Variants in RBM20 observed in about 807,000 individuals in gnomAD.
RBM20 encodes the protein RNA-binding protein 20.
In RBM20, 51 loss-of-function variants were observed where a neutral mutation model predicts 110.1. The ratio of observed to expected loss-of-function variants is 0.46; its 90% CI spans 0.37 to 0.59. The LOEUF is 0.59. Among genes scored for constraint, RBM20 ranks in the 20% least tolerant of loss-of-function variants. RBM20 has a pLI of 0.00. For synonymous variants in RBM20, 589 were observed against 618.2 expected, an observed-to-expected ratio of 0.95 and a Z score of 0.70; for missense variants, 1,512 against 1,574.9, an observed-to-expected ratio of 0.96 and a Z score of 0.68.
chr10:110,727,296 G>A (rs746064368), intron 1 of RBM20, among the ~76,000 whole-genome samples: 8 of 148,764 alleles, frequency 5.4e-5, no homozygotes, highest in Non-Finnish European at 7.4e-5. Context: ...TCTGATTCAC[G>A]CACGGTTTAT....
chr10:110,821,343 G>A lies in RBM20; in HGVS notation c.2724G>A (p.Leu908=). 2.6e-6 allele frequency: 4 copies of A among 1,551,714 alleles called. No homozygotes were observed. The highest frequency in any genetic ancestry group is 3.5e-6 in the Non-Finnish European group (4 of 1,146,960). The change falls in exon 11 of 14, where the codon CTG becomes CTA. Residue 908 remains leucine, a synonymous_variant. Coordinates refer to ENST00000369519, the MANE Select transcript of RBM20 (RefSeq NM_001134363.3). ...ESWYPTNMEE[L]VTVDEVGEEE... The stretch of plus-strand genomic sequence containing the variant: ...GGTATCCCACTAACATGGAGGAGCT[G>A]GTGACAGTGGACGAGGTTGGGGAAG...
chr10:110,802,835 G>A (rs1844646854), intron 7 of RBM20, among the ~76,000 whole-genome samples: 1 of 152,196 alleles, frequency 6.6e-6, no homozygotes, highest in Admixed American at 6.5e-5. Flanking sequence ...TGACAACCAT[G>A]TGACCTATCC....
chr10:110,781,028 C>T lies in RBM20; in HGVS notation c.419C>T (p.Pro140Leu), dbSNP rs977645949. The T allele has an allele frequency of 1.7e-5, 27 of 1,551,804 alleles. No homozygotes were observed. In the Middle Eastern group the frequency reaches 5.0e-4, roughly 29 times the overall value. ...CCTCTCTTCAATCAACTGAGGCATC[C>T]GTCTGTGATCACTGGCCCCCACGGC... is the stretch of plus-strand genomic sequence containing the variant. ...SQPLFNQLRH[P>L]SVITGPHGHA... Residue 140 changes from proline (P) to leucine (L), a missense_variant, in exon 2 of 14, where the codon CCG becomes CTG. Physicochemically the swap from Pro to Leu is moderately conservative, Grantham distance 98. This residue lies in a region of RBM20 where 1,149 missense variants were observed against 1,169.4 expected (regional missense o/e 0.98). Transcript: ENST00000369519.
intron 1 of RBM20, among the ~76,000 whole-genome samples, chr10:110,760,423 ATCTTTTT>A (rs1843981361): frequency 1.2e-5 from 1 of 83,324 alleles, no homozygotes; most frequent in African/African-American, 4.1e-5. Flanking sequence ...GAATTCCATC[ATCTTTTT>A]TTTTTTTTTT....
intron 1 of RBM20, among the ~76,000 whole-genome samples, chr10:110,732,011 G>A (rs1006466331): frequency 6.6e-6 from 1 of 152,048 alleles, no homozygotes; most frequent in African/African-American, 2.4e-5. Flanking sequence ...GCTCTTTCTT[G>A]TCTCCTCAAT....
chr10:110,775,365 G>A (rs894732299), intron 1 of RBM20, among the ~76,000 whole-genome samples: 5 of 152,168 alleles, frequency 3.3e-5, no homozygotes, highest in Non-Finnish European at 5.9e-5. Context: ...AGATGTGGCC[G>A]GTGCATGAGT....
At chr10:110,803,314 G>C (rs953210659) in intron 7 of RBM20, among the ~76,000 whole-genome samples, 1 of 152,178 alleles carries the variant, frequency 6.6e-6, no homozygotes, top group South Asian at 2.1e-4. Flanking sequence ...CATTGTTATA[G>C]TGTGTTATCA....
At chr10:110,812,242 G>A (rs935953190) in intron 8 of RBM20, 36 bp from the exon 9 acceptor site, 1 of 1,503,688 alleles carries the variant, frequency 6.7e-7, no homozygotes. Context: ...TGGGAGGTGT[G>A]AAGATTCTAA....
intron 7 of RBM20, among the ~76,000 whole-genome samples, chr10:110,806,264 T>A (rs1844693379): frequency 8.4e-6 from 1 of 118,436 alleles, no homozygotes; most frequent in African/African-American, 3.2e-5. Flanking sequence ...TGAGACTCCG[T>A]CTCAAAAAAA....
chr10:110,806,059 G>A (rs1844690400), intron 7 of RBM20, among the ~76,000 whole-genome samples: 1 of 152,112 alleles, frequency 6.6e-6, no homozygotes, highest in East Asian at 1.9e-4. Context: ...GATCACTTGA[G>A]GTCAGGGGTT....
rs921066961 is a variant in RBM20 at position 110,644,553 on chromosome 10, G to C, written c.99G>C (p.Pro33=). 61 of 1,525,820 alleles carry C rather than the reference G, an allele frequency of 4.0e-5. No individual in the cohort carries two copies. Among genetic ancestry groups the C allele is most frequent in the Admixed American group, 6.1e-5 (3 of 49,206 alleles). 94.5% of individuals were successfully genotyped at this position (1,525,820 alleles called of 1,614,324 possible). A position where few individuals can be genotyped will look rare whatever the true frequency, so the allele number is the denominator to read the frequency against. Reference sequence around the variant, plus strand: ...GTGTGCCTGGTGCCCGGGCGTCCCCGGCACCCTCCGGCCCGCGAGGGATGC... The same window carrying C: ...GTGTGCCTGGTGCCCGGGCGTCCCCCGCACCCTCCGGCCCGCGAGGGATGC... The part of the protein sequence containing the change: ...ACSVPGARAS[P]APSGPRGMQQ... Residue 33 remains proline (P), a synonymous_variant, in exon 1 of 14, where the codon CCG becomes CCC. Coordinates refer to ENST00000369519, the MANE Select transcript of RBM20 (RefSeq NM_001134363.3). This position sits in a 1 kb window ranked among gnomAD's most constrained non-coding sequence, Gnocchi z 4.3.
intron 1 of RBM20, among the ~76,000 whole-genome samples, chr10:110,679,101 T>G (rs1862383107): frequency 1.3e-5 from 2 of 152,252 alleles, no homozygotes; most frequent in South Asian, 4.1e-4. Flanking sequence ...TTCTTATTTA[T>G]AAGTACTCCT....
Position 110,782,719 on chromosome 10 carries a change from G to A in RBM20, c.1276-647G>A, listed in dbSNP as rs140371695. Among the ~76,000 whole-genome samples, 431 of 152,262 alleles carry A rather than the reference G, an allele frequency of 2.8e-3. 2 individuals are homozygous for A. The highest frequency in any genetic ancestry group is 9.6e-3 in the African/African-American group (400 of 41,542). On this transcript the variant is annotated intron_variant, in intron 2 of 13. Transcript: ENST00000369519. ...TGTGGCCCTGACCCTTTCAGAGCCT[G>A]CACCATTTAAACACTGGGCTGTCCT...
chr10:110,675,915 C>T (rs541928876), intron 1 of RBM20, among the ~76,000 whole-genome samples: 1 of 152,318 alleles, frequency 6.6e-6, no homozygotes, highest in East Asian at 1.9e-4. Context: ...GAAATGATAG[C>T]TGCTATGGCT....
chr10:110,683,603 T>C (rs1316887002), intron 1 of RBM20, among the ~76,000 whole-genome samples: 1 of 152,240 alleles, frequency 6.6e-6, no homozygotes, highest in African/African-American at 2.4e-5. Flanking sequence ...TTAAAGCGAA[T>C]TGAGTTTTGT....
At chr10:110,712,714 C>G (rs1862953365) in intron 1 of RBM20, among the ~76,000 whole-genome samples, 1 of 152,212 alleles carries the variant, frequency 6.6e-6, no homozygotes, top group Non-Finnish European at 1.5e-5. Context: ...TTGCAGTGAG[C>G]TGAGATCGCA....
chr10:110,799,405 C>G (rs373624050), intron 6 of RBM20, among the ~76,000 whole-genome samples: 15 of 152,194 alleles, frequency 9.9e-5, no homozygotes, highest in African/African-American at 3.6e-4. Context: ...AAAAAGGTCT[C>G]TTTGAACAGA....
At chr10:110,742,836 T>G (rs1319428226) in intron 1 of RBM20, among the ~76,000 whole-genome samples, 1 of 152,160 alleles carries the variant, frequency 6.6e-6, no homozygotes, top group Non-Finnish European at 1.5e-5. Flanking sequence ...GGTTCTTGAG[T>G]AGAGGGCTGA....
chr10:110,781,897 A>G lies in RBM20; in HGVS notation c.1275+13A>G, dbSNP rs373230569. On this transcript the variant is annotated intron_variant, in intron 2 of 13. Transcript: ENST00000369519. ...GTTTGATTTGAAGGTGAGTTGTCCA[A>G]GACAGGCTGGGAGCCACAGCTAGAA... 1,033 of 1,551,732 alleles carry G rather than the reference A, an allele frequency of 6.7e-4. 7 individuals carry two copies. The African/African-American group carries it at 0.013, about 19-fold the overall frequency.
Sources: allele counts gnomAD v4.1 joint callset (sites outside exome capture counted in the v4.1 genomes callset), GRCh38; gene constraint gnomAD v4.1.1; regional missense constraint gnomAD v4.1.1; non-coding constraint Gnocchi (gnomAD v3.1); transcripts MANE v1.5; gene names NCBI Gene and HGNC (gene_info 2026-07-23, HGNC 2026-07-21).